TBC1D16: variants seen among roughly 807,000 people sequenced by gnomAD.
TBC1D16 encodes CTD-2529O21.1.
In TBC1D16, 58 loss-of-function variants were observed where a neutral mutation model predicts 74.7. The ratio of observed to expected loss-of-function variants is 0.78; its 90% confidence interval spans 0.63 to 0.97. The LOEUF is 0.97. Among genes scored for constraint, TBC1D16 ranks in the 50% least tolerant of loss-of-function variants. The probability of loss-of-function intolerance (pLI) is 0.00; values close to 1 mark genes in which losing one functional copy is unlikely to be tolerated. For missense variants in TBC1D16, 1,014 were observed against 1,079.5 expected, an observed-to-expected ratio of 0.94 and a Z score of 0.85; for synonymous variants, 493 against 474.7, an observed-to-expected ratio of 1.04 and a Z score of -0.50.
At position 79,962,632 on chromosome 17, in the gene TBC1D16, C is replaced by G. The variant is rs558688053; in HGVS notation, c.780-9814G>C. ...ATCTTGTAAAACAAAAGCTCTATAC[C>G]TATTAAACAATAGCTTCCAGGCCAG... is the stretch of plus-strand genomic sequence containing the variant. On this transcript the variant is annotated intron_variant, in intron 3 of 11. Coordinates refer to ENST00000310924, the MANE Select transcript of TBC1D16 (RefSeq NM_019020.4). 1.3e-4 allele frequency among the ~76,000 whole-genome samples: 20 copies of G among 152,146 alleles called. 1 individual carries two copies. Among genetic ancestry groups the G allele is most frequent in the African/African-American group, 4.8e-4 (20 of 41,512 alleles).
chr17:79,959,933 G>C (rs1311423752), intron 3 of TBC1D16, among the ~76,000 whole-genome samples: 1 of 151,930 alleles, frequency 6.6e-6, no homozygotes, highest in African/African-American at 2.4e-5. Flanking sequence ...CACAGACTGG[G>C]AGAAAATATT....
Position 79,936,007 on chromosome 17 carries a change from T to A in TBC1D16, c.*4852A>T, listed in dbSNP as rs889691148. 4 of 152,196 alleles carry A rather than the reference T, an allele frequency of 2.6e-5. No individual in the cohort carries two copies. Among genetic ancestry groups the A allele is most frequent in the Admixed American group, 6.5e-5 (1 of 15,280 alleles). 9.4% of individuals were successfully genotyped at this position (152,196 alleles called of 1,614,324 possible). ...GATGGCTGCAGGCTGTTTGCACCCCTGGCTCTGCCCAGGGACACCCCTCTC... is the reference window on the plus strand; with the variant it reads ...GATGGCTGCAGGCTGTTTGCACCCCAGGCTCTGCCCAGGGACACCCCTCTC... On this transcript the variant is annotated 3_prime_UTR_variant, in exon 12 of 12. Coordinates refer to ENST00000310924, the MANE Select transcript of TBC1D16 (RefSeq NM_019020.4).
At chr17:79,999,786 C>T (rs1483432718) in intron 3 of TBC1D16, among the ~76,000 whole-genome samples, 6 of 152,096 alleles carry the variant, frequency 3.9e-5, no homozygotes, top group East Asian at 3.9e-4. Flanking sequence ...TCAGGTGATC[C>T]GCCCGCCTTG....
intron 3 of TBC1D16, among the ~76,000 whole-genome samples, chr17:79,965,710 T>A (rs1021840337): frequency 1.3e-5 from 2 of 152,220 alleles, no homozygotes; most frequent in Non-Finnish European, 2.9e-5. Context: ...TTTTGGCATA[T>A]GCCTTCCAGA....
chr17:79,998,546 T>C lies in TBC1D16; in HGVS notation c.779+11614A>G, dbSNP rs370301919. Among the ~76,000 whole-genome samples, 10 of 150,154 alleles carry C rather than the reference T, an allele frequency of 6.7e-5. No individual in the cohort carries two copies. In the East Asian group the frequency reaches 2.0e-3, roughly 29 times the overall value. On this transcript the variant is annotated intron_variant, in intron 3 of 11. Coordinates refer to ENST00000310924, the MANE Select transcript of TBC1D16 (RefSeq NM_019020.4). ...TTTTTTTTTTTTGTAGAGACAAGGT[T>C]TCACCATGTTGCCCAGGCTGGTCTC...
Position 79,941,375 on chromosome 17 carries a change from G to C in TBC1D16, c.2056-268C>G, listed in dbSNP as rs993822871. Among the ~76,000 whole-genome samples, 5 of 152,174 alleles carry C rather than the reference G, an allele frequency of 3.3e-5. No individual in the cohort carries two copies. The highest frequency in any genetic ancestry group is 4.8e-5 in the African/African-American group (2 of 41,422). ...CGAGGTGAACAAGGCCCTTGAATGG[G>C]CTTCATTCAGGAGGGTGAACAGGAC... On this transcript the variant is annotated intron_variant, in intron 11 of 11. Coordinates refer to ENST00000310924, the MANE Select transcript of TBC1D16 (RefSeq NM_019020.4). The surrounding 1 kb of genome is among the most constrained non-coding windows in gnomAD (Gnocchi z 4.3).
intron 10 of TBC1D16, among the ~76,000 whole-genome samples, chr17:79,943,309 G>T (rs1277964495): frequency 6.6e-6 from 1 of 152,204 alleles, no homozygotes; most frequent in Non-Finnish European, 1.5e-5. Flanking sequence ...TTGCAGGAAG[G>T]TGGACGCCCA....
At chr17:80,031,140 T>C (rs4268796) in intron 1 of TBC1D16, among the ~76,000 whole-genome samples, 152,290 of 152,330 alleles carry the variant, frequency 1, 76,126 homozygotes, top group Non-Finnish European at 1. Flanking sequence ...ATATGGAATC[T>C]TGTAGGCAGC....
chr17:79,986,820 A>T lies in TBC1D16; in HGVS notation c.779+23340T>A, dbSNP rs549158689. On this transcript the variant is annotated intron_variant, in intron 3 of 11. Coordinates refer to ENST00000310924, the MANE Select transcript of TBC1D16 (RefSeq NM_019020.4). The surrounding 1 kb of genome is among the most constrained non-coding windows in gnomAD (Gnocchi z 6.0). ...GACACCTCCGATCAGGTCCACGGGAAGATGGGGGTGAACGAGAAGCCTGAG... is the reference window on the plus strand; with the variant it reads ...GACACCTCCGATCAGGTCCACGGGATGATGGGGGTGAACGAGAAGCCTGAG... Among the ~76,000 whole-genome samples, 22 of 152,304 alleles carry T rather than the reference A, an allele frequency of 1.4e-4. No homozygotes were observed. The highest frequency in any genetic ancestry group is 4.8e-4 in the African/African-American group (20 of 41,580).
Position 79,949,104 on chromosome 17 carries a change from C to T in TBC1D16, c.1407-98G>A, listed in dbSNP as rs573166640. 3.1e-5 allele frequency: 48 copies of T among 1,535,356 alleles called. No individual in the cohort carries two copies. In the South Asian group the frequency reaches 4.2e-4, roughly 14 times the overall value. On this transcript the variant is annotated intron_variant, in intron 7 of 11. Coordinates refer to ENST00000310924, the MANE Select transcript of TBC1D16 (RefSeq NM_019020.4). ...GGAAGCCACCCTTCCTCCCAACCCC[C>T]GTTCCCTGGACGGGAGCTGGGCGGC...
intron 3 of TBC1D16, among the ~76,000 whole-genome samples, chr17:79,973,515 C>G (rs2034202039): frequency 6.6e-6 from 1 of 152,190 alleles, no homozygotes; most frequent in African/African-American, 2.4e-5. Context: ...CAAGACCATC[C>G]TGTCTAACAT....
At chr17:80,031,531 T>C (rs1307864036) in intron 1 of TBC1D16, among the ~76,000 whole-genome samples, 6 of 152,212 alleles carry the variant, frequency 3.9e-5, no homozygotes, top group Admixed American at 3.9e-4. Context: ...GAAAACCTGG[T>C]GGCCTGTGTG....
At position 79,936,917 on chromosome 17, in the gene TBC1D16, T is replaced by TGC. The variant is rs1555852481; in HGVS notation, c.*3941_*3942insGC. The TGC allele has an allele frequency of 1.0e-4, 10 of 99,722 alleles. No homozygotes were observed. Among genetic ancestry groups the TGC allele is most frequent in the East Asian group, 3.9e-4 (1 of 2,548 alleles). 6.2% of individuals were successfully genotyped at this position (99,722 alleles called of 1,614,324 possible). A position where few individuals can be genotyped will look rare whatever the true frequency, so the allele number is the denominator to read the frequency against. On this transcript the variant is annotated 3_prime_UTR_variant, in exon 12 of 12. Coordinates refer to ENST00000310924, the MANE Select transcript of TBC1D16 (RefSeq NM_019020.4). ...GTGCGTGTGTGCATGTGCGTGTGTG[T>TGC]GTGTGTGTGTGTGTGTGTGTGTGCG...
rs1420802134 is a variant in TBC1D16 at position 79,995,380 on chromosome 17, AG to A, written c.779+14779del. The stretch of plus-strand genomic sequence containing the variant: ...ACAAAAGAGCAAAGCGTCTCAATGA[AG>A]GAAGAGCAGCCTCTTCAACAAACGA... On this transcript the variant is annotated intron_variant, in intron 3 of 11. Coordinates refer to ENST00000310924, the MANE Select transcript of TBC1D16 (RefSeq NM_019020.4). 6.0e-4 allele frequency among the ~76,000 whole-genome samples: 92 copies of A among 152,284 alleles called. 1 individual carries two copies. Among genetic ancestry groups the A allele is most frequent in the South Asian group, 1.7e-3 (8 of 4,828 alleles).
At chr17:79,982,724 C>T (rs908961613) in intron 3 of TBC1D16, among the ~76,000 whole-genome samples, 9 of 151,518 alleles carry the variant, frequency 5.9e-5, no homozygotes, top group African/African-American at 9.7e-5. Context: ...CCGGGTGTAA[C>T]GGCCGGTGCC....
chr17:79,950,661 AG>A lies in TBC1D16; in HGVS notation c.1090-84del. 4 of 1,561,676 alleles carry A rather than the reference AG, an allele frequency of 2.6e-6. No homozygotes were observed. Among genetic ancestry groups the A allele is most frequent in the South Asian group, 1.2e-5 (1 of 85,258 alleles). ...CAGCAGTGCTTTTCCCAGGAATAAA[AG>A]CCTCTCTCTCTTCTGAAAGGAGGGC... On this transcript the variant is annotated intron_variant, in intron 5 of 11. Transcript: ENST00000310924. The surrounding 1 kb of genome is among the most constrained non-coding windows in gnomAD (Gnocchi z 4.6).
intron 8 of TBC1D16, among the ~76,000 whole-genome samples, chr17:79,948,616 G>C (rs1262315202): frequency 6.6e-6 from 1 of 152,200 alleles, no homozygotes. Context: ...GCCAAGCAAG[G>C]ACAGGCTTGG....
intron 3 of TBC1D16, among the ~76,000 whole-genome samples, chr17:80,003,744 C>T (rs566024759): frequency 6.6e-6 from 1 of 152,274 alleles, no homozygotes. Context: ...TGACCACAGG[C>T]GCTATCCACA....
Position 79,954,482 on chromosome 17 carries a change from A to C in TBC1D16, c.780-1664T>G, listed in dbSNP as rs1419165501. Among the ~76,000 whole-genome samples, 2 of 152,188 alleles carry C rather than the reference A, an allele frequency of 1.3e-5. No homozygotes were observed. Among genetic ancestry groups the C allele is most frequent in the African/African-American group, 4.8e-5 (2 of 41,448 alleles). ...TGCTGGGGCCCCTGGGCTCTCAAGG[A>C]AACTGAGTCAGGTAAAACTAGATCA... On this transcript the variant is annotated intron_variant, in intron 3 of 11. Coordinates refer to ENST00000310924, the MANE Select transcript of TBC1D16 (RefSeq NM_019020.4). This position sits in a 1 kb window ranked among gnomAD's most constrained non-coding sequence, Gnocchi z 5.5.
Sources: gnomAD v4.1 joint callset for allele counts (sites outside exome capture counted in the v4.1 genomes callset) on GRCh38, gnomAD v4.1.1 for gene constraint, Gnocchi (gnomAD v3.1) non-coding constraint, MANE v1.5 for transcripts, NCBI Gene and HGNC (gene_info 2026-07-23, HGNC 2026-07-21) for gene names.